RALYL: variants seen among roughly 807,000 people sequenced by gnomAD.
RALYL encodes RNA-binding Raly-like protein.
Under a neutral mutation model 35.1 loss-of-function variants are expected in RALYL, and 29 were observed. That is an observed-to-expected ratio of 0.83 (90% CI 0.61 to 1.13). RALYL has a LOEUF of 1.13. RALYL is among the 50% of genes most tolerant of loss of function. RALYL has a pLI of 0.00. For synonymous variants in RALYL, 120 were observed against 127.6 expected (o/e 0.94, Z 0.40); for missense variants, 359 against 360.4 (o/e 1.00, Z 0.03).
chr8:84,383,887 A>G (rs529856708), intron 1 of RALYL, among the ~76,000 whole-genome samples: 58 of 151,768 alleles, frequency 3.8e-4, no homozygotes, highest in African/African-American at 1.4e-3. Flanking sequence ...GATGTGGGTA[A>G]GTTTCTGATG....
intron 1 of RALYL, among the ~76,000 whole-genome samples, chr8:84,362,703 A>G (rs1383867317): frequency 6.6e-6 from 1 of 152,130 alleles, no homozygotes; most frequent in Non-Finnish European, 1.5e-5. Flanking sequence ...TAGTCCATAG[A>G]AAAATTGTCT....
At chr8:84,688,085 A>T (rs1431784230) in intron 2 of RALYL, among the ~76,000 whole-genome samples, 1 of 151,758 alleles carries the variant, frequency 6.6e-6, no homozygotes, top group Admixed American at 6.6e-5. Context: ...CCCAATTGCC[A>T]TTGATGAACT....
intron 2 of RALYL, among the ~76,000 whole-genome samples, chr8:84,639,754 T>C (rs959668131): frequency 3.3e-5 from 5 of 151,944 alleles, no homozygotes; most frequent in Non-Finnish European, 5.9e-5. Flanking sequence ...GCCAAGGACC[T>C]TAGAGTCAAA....
At chr8:84,918,862 G>T (rs977840414) in intron 8 of RALYL, among the ~76,000 whole-genome samples, 2 of 152,108 alleles carry the variant, frequency 1.3e-5, no homozygotes, top group Middle Eastern at 3.4e-3. Flanking sequence ...TAAGAAGGAA[G>T]ACTTCAATAA....
At chr8:84,601,216 C>G (rs1415245283) in intron 2 of RALYL, among the ~76,000 whole-genome samples, 1 of 152,056 alleles carries the variant, frequency 6.6e-6, no homozygotes, top group Admixed American at 6.6e-5. Context: ...TACATTTAAT[C>G]TTATAACAAG....
intron 2 of RALYL, among the ~76,000 whole-genome samples, chr8:84,638,871 A>AATATATAT (rs71273908): frequency 1.1e-3 from 98 of 86,118 alleles, no homozygotes; most frequent in East Asian, 1.5e-3. Flanking sequence ...TGCACGCATA[A>AATATATAT]ATATATATAT....
At chr8:84,713,077 T>C (rs1842438280) in intron 2 of RALYL, among the ~76,000 whole-genome samples, 1 of 152,118 alleles carries the variant, frequency 6.6e-6, no homozygotes, top group Non-Finnish European at 1.5e-5. Context: ...TTTCTTCTAG[T>C]AGTTTCATAC....
chr8:84,272,396 G>A (rs1234784431), intron 1 of RALYL, among the ~76,000 whole-genome samples: 1 of 152,118 alleles, frequency 6.6e-6, no homozygotes, highest in Non-Finnish European at 1.5e-5. Flanking sequence ...ACCTGGCCAA[G>A]TGTGTACATG....
chr8:84,470,920 C>T (rs201381920), intron 1 of RALYL, among the ~76,000 whole-genome samples: 2 of 152,244 alleles, frequency 1.3e-5, no homozygotes, highest in East Asian at 3.9e-4. Flanking sequence ...TAGGAGCTCA[C>T]CCTCCCTGAA....
At chr8:84,601,628 A>AG (rs1319750367) in intron 2 of RALYL, among the ~76,000 whole-genome samples, 1 of 152,016 alleles carries the variant, frequency 6.6e-6, no homozygotes, top group East Asian at 1.9e-4. Flanking sequence ...ATGAGAAAAA[A>AG]AAAAAAGAGA....
intron 4 of RALYL, among the ~76,000 whole-genome samples, chr8:84,821,879 G>A (rs1363050306): frequency 6.6e-6 from 1 of 152,092 alleles, no homozygotes. Context: ...ATATTAAAAT[G>A]AAAAGTCAAT....
chr8:84,812,691 TG>T (rs1563660352), intron 4 of RALYL, among the ~76,000 whole-genome samples: 1 of 151,924 alleles, frequency 6.6e-6, no homozygotes, highest in Non-Finnish European at 1.5e-5. Context: ...GTCAGAGAAG[TG>T]GGAGAAAACT....
At chr8:84,615,570 CT>C (rs60428128) in intron 2 of RALYL, among the ~76,000 whole-genome samples, 1,181 of 67,338 alleles carry the variant, frequency 0.018, 2 homozygotes, top group African/African-American at 0.039. Flanking sequence ...GAACTTTCGT[CT>C]TTTTTTTTTT....
chr8:84,432,679 C>T (rs1284577198), intron 1 of RALYL, among the ~76,000 whole-genome samples: 1 of 152,038 alleles, frequency 6.6e-6, no homozygotes, highest in African/African-American at 2.4e-5. Context: ...AGGCTGAGTT[C>T]TACATCCAAT....
At chr8:84,437,644 A>G (rs1368708347) in intron 1 of RALYL, among the ~76,000 whole-genome samples, 2 of 152,040 alleles carry the variant, frequency 1.3e-5, no homozygotes, top group African/African-American at 4.8e-5. Context: ...CCCAAATCTC[A>G]TGTTGAATTG....
At chr8:84,407,782 GAAT>G (rs1467721761) in intron 1 of RALYL, among the ~76,000 whole-genome samples, 3 of 152,174 alleles carry the variant, frequency 2.0e-5, no homozygotes, top group East Asian at 1.9e-4. Flanking sequence ...TTTTTCATCA[GAAT>G]AATAATATTA....
intron 1 of RALYL, among the ~76,000 whole-genome samples, chr8:84,230,675 C>A (rs1321727136): frequency 6.6e-6 from 1 of 152,156 alleles, no homozygotes; most frequent in Non-Finnish European, 1.5e-5. Flanking sequence ...CTTGTTACTA[C>A]TATTTACTAC....
At chr8:84,578,466 C>T (rs1203357526) in intron 2 of RALYL, among the ~76,000 whole-genome samples, 2 of 152,218 alleles carry the variant, frequency 1.3e-5, no homozygotes, top group South Asian at 2.1e-4. Flanking sequence ...GTTTGTGTTA[C>T]AGCTTTTTCA....
intron 1 of RALYL, among the ~76,000 whole-genome samples, chr8:84,365,326 G>T (rs1354676903): frequency 6.6e-6 from 1 of 152,006 alleles, no homozygotes; most frequent in Non-Finnish European, 1.5e-5. Context: ...CTCATTTCCA[G>T]CTAAACATGT....
Sources: gnomAD v4.1 joint callset for allele counts (sites outside exome capture counted in the v4.1 genomes callset) on GRCh38, gnomAD v4.1.1 for gene constraint, MANE v1.5 for transcripts, NCBI Gene and HGNC (gene_info 2026-07-23, HGNC 2026-07-21) for gene names.